The following HMCN1 variants were observed in gnomAD, a reference collection of about 807,000 sequenced individuals.
HMCN1 encodes the protein hemicentin 1.
A neutral mutation model predicts 625.9 loss-of-function variants in HMCN1; 321 were observed. That is an observed-to-expected ratio of 0.51 (90% CI 0.47 to 0.56). HMCN1 has a LOEUF of 0.56. Ranked by LOEUF, HMCN1 falls within the 20% of genes least tolerant of loss-of-function variation. The pLI is 0.00. For missense variants in HMCN1, 6,588 were observed against 6,887.3 expected, an observed-to-expected ratio of 0.96 and a Z score of 1.54; for synonymous variants, 2,425 against 2,417.6, an observed-to-expected ratio of 1.00 and a Z score of -0.09.
intron 81 of HMCN1, among the ~76,000 whole-genome samples, chr1:186,125,298 A>C (rs1661589923): frequency 6.6e-6 from 1 of 152,106 alleles, no homozygotes; most frequent in Admixed American, 6.6e-5. Context: ...AAACAGAAGT[A>C]ACTTAAAGAC....
chr1:186,051,128 A>G (rs1656919389), intron 42 of HMCN1, among the ~76,000 whole-genome samples: 1 of 152,060 alleles, frequency 6.6e-6, no homozygotes, highest in South Asian at 2.1e-4. Context: ...ATAAAAAGGT[A>G]AAAATAGGCA....
At chr1:186,074,676 C>T (rs1658692901) in intron 52 of HMCN1, 65 bp from the exon 53 acceptor site, 1 of 1,414,050 alleles carries the variant, frequency 7.1e-7, no homozygotes, top group East Asian at 2.3e-5. Flanking sequence ...AAACTATCAA[C>T]TGCATGGCCT....
chr1:186,087,916 T>C lies in HMCN1; in HGVS notation c.9364-16T>C. 1 of 1,598,536 alleles carries C rather than the reference T, an allele frequency of 6.3e-7. No individual in the cohort carries two copies. ...TAACTTAATGGAGCACATACAATAG[T>C]ATCTTTTTCTTTTAGGTATCTGACA... On this transcript the variant is annotated splice_polypyrimidine_tract_variant and intron_variant, in intron 60 of 106. Transcript: ENST00000271588.
At chr1:185,747,273 G>T (rs1316190708) in intron 1 of HMCN1, among the ~76,000 whole-genome samples, 1 of 151,914 alleles carries the variant, frequency 6.6e-6, no homozygotes, top group Non-Finnish European at 1.5e-5. Context: ...TTAATGTTTG[G>T]GGTGCTATTT....
At chr1:186,120,817 A>G (rs549378686) in intron 80 of HMCN1, among the ~76,000 whole-genome samples, 36 of 152,366 alleles carry the variant, frequency 2.4e-4, no homozygotes, top group African/African-American at 7.9e-4. Flanking sequence ...CTGGAAATAC[A>G]TTGAACATTA....
chr1:186,095,668 C>G (rs1012395633), intron 68 of HMCN1, 147 bp downstream of exon 68: 4 of 764,576 alleles, frequency 5.2e-6, no homozygotes, highest in Non-Finnish European at 8.2e-6. Context: ...TATAATTCAC[C>G]TTGGCTTACT....
chr1:186,094,184 A>G, intron 66 of HMCN1, 92 bp from the exon 67 acceptor site: 1 of 1,001,360 alleles, frequency 1.0e-6, no homozygotes, highest in Non-Finnish European at 1.6e-6. Context: ...AACATAAATC[A>G]CCACCTATAG....
intron 4 of HMCN1, among the ~76,000 whole-genome samples, chr1:185,888,898 G>A (rs1480107444): frequency 6.8e-6 from 1 of 147,374 alleles, no homozygotes; most frequent in African/African-American, 2.7e-5. Context: ...ATTACCTTAG[G>A]CAGTATGGCC....
chr1:185,994,806 T>C lies in HMCN1; in HGVS notation c.3506-9T>C. The C allele has an allele frequency of 6.2e-7, 1 of 1,612,758 alleles. No homozygotes were observed. Among genetic ancestry groups the C allele is most frequent in the Non-Finnish European group, 8.5e-7 (1 of 1,178,960 alleles). On this transcript the variant is annotated splice_polypyrimidine_tract_variant and intron_variant, in intron 23 of 106. Coordinates refer to ENST00000271588, the MANE Select transcript of HMCN1 (RefSeq NM_031935.3). ...AGTTGGATTATTAATACCCAGTTATTATTTCTAGTTCCTCCAAAGATACAG... is the reference window on the plus strand; with the variant it reads ...AGTTGGATTATTAATACCCAGTTATCATTTCTAGTTCCTCCAAAGATACAG...
intron 6 of HMCN1, among the ~76,000 whole-genome samples, chr1:185,915,396 C>T (rs1172210226): frequency 6.6e-6 from 1 of 151,928 alleles, no homozygotes; most frequent in Non-Finnish European, 1.5e-5. Flanking sequence ...TTGTCCTCTG[C>T]TTTTTAAAGG....
intron 47 of HMCN1, 70 bp downstream of exon 47, chr1:186,062,034 T>G: frequency 1.1e-6 from 1 of 938,340 alleles, no homozygotes; most frequent in Non-Finnish European, 1.7e-6. Flanking sequence ...GAGTTAAAAT[T>G]TATTTACCAC....
intron 1 of HMCN1, among the ~76,000 whole-genome samples, chr1:185,800,015 G>A (rs1658683210): frequency 6.6e-6 from 1 of 152,182 alleles, no homozygotes; most frequent in African/African-American, 2.4e-5. Flanking sequence ...GGGGTCAGAA[G>A]GCAGTTCTCA....
Position 185,737,159 on chromosome 1 carries a change from AT to A in HMCN1, c.268+2125del, listed in dbSNP as rs879391788. The stretch of plus-strand genomic sequence containing the variant: ...CTTTGTAGTTTTTTTGTTGTTGTTT[AT>A]TTTTTTTTTTTTGAAACAGGGTCTC... On this transcript the variant is annotated intron_variant, in intron 1 of 106. Transcript: ENST00000271588. Among the ~76,000 whole-genome samples the A allele has an allele frequency of 1.0e-2, 1,390 of 139,602 alleles. 8 individuals are homozygous for A. The highest frequency in any genetic ancestry group is 0.029 in the Middle Eastern group (8 of 276). The allele number at this position is 139,602 out of a possible 152,430, so 91.6% of individuals were successfully genotyped here.
At position 186,061,860 on chromosome 1, in the gene HMCN1, TGCTACG is replaced by T; in HGVS notation, c.7326_7331del (p.Arg2443_Leu2444del). On this transcript the variant is annotated inframe_deletion, in exon 47 of 107. Coordinates refer to ENST00000271588, the MANE Select transcript of HMCN1 (RefSeq NM_031935.3). ...TGGTTTGCTTCTGCAGGAGGCAGGA[TGCTACG>T]GCTGATGCAGACCACAATGGAAGAT... The T allele has an allele frequency of 1.2e-6, 2 of 1,609,872 alleles. No individual in the cohort carries two copies. The highest frequency in any genetic ancestry group is 1.7e-6 in the Non-Finnish European group (2 of 1,176,410).
intron 7 of HMCN1, among the ~76,000 whole-genome samples, chr1:185,922,973 T>C (rs972211246): frequency 5.3e-5 from 8 of 152,208 alleles, no homozygotes; most frequent in Non-Finnish European, 8.8e-5. Context: ...TTAAACCTTG[T>C]CCTCCTCTCA....
chr1:185,785,130 G>C lies in HMCN1; in HGVS notation c.268+50083G>C, dbSNP rs1657472181. 3.9e-5 allele frequency among the ~76,000 whole-genome samples: 6 copies of C among 152,094 alleles called. No individual in the cohort carries two copies. The South Asian group carries it at 1.0e-3, about 26-fold the overall frequency. On this transcript the variant is annotated intron_variant, in intron 1 of 106. Transcript: ENST00000271588. ...TGGCTTTGGGAATATGGACATTCTT[G>C]TACAAATCTTTTTGGGGGTGTGTTT...
At chr1:186,125,938 G>A (rs12124204) in intron 82 of HMCN1, 144 bp downstream of exon 82, 260,702 of 621,364 alleles carry the variant, frequency 0.42, 58,659 homozygotes, top group African/African-American at 0.64. Context: ...AATTTTACAC[G>A]TATTTCATGT....
chr1:186,063,246 C>T (rs553433400), intron 48 of HMCN1, among the ~76,000 whole-genome samples: 6 of 150,900 alleles, frequency 4.0e-5, no homozygotes, highest in South Asian at 4.2e-4. Context: ...TATTGAGTCC[C>T]ACTATATATT....
chr1:186,037,458 GA>G (rs924936613), intron 36 of HMCN1, among the ~76,000 whole-genome samples: 1 of 151,816 alleles, frequency 6.6e-6, no homozygotes, highest in Non-Finnish European at 1.5e-5. Flanking sequence ...TATATCAAAG[GA>G]AAAAAACTGC....
Sources: allele counts gnomAD v4.1 joint callset (sites outside exome capture counted in the v4.1 genomes callset), GRCh38; gene constraint gnomAD v4.1.1; transcripts MANE v1.5; gene names NCBI Gene and HGNC (gene_info 2026-07-23, HGNC 2026-07-21).